Variants in HERC3 observed in about 807,000 individuals in gnomAD.
HERC3 encodes probable E3 ubiquitin-protein ligase HERC3.
HERC3 carries 58 observed loss-of-function variants against 129.9 expected under a neutral mutation model. That is an observed-to-expected ratio of 0.45 (90% CI 0.36 to 0.56). The LOEUF is 0.56. Ranked by LOEUF, HERC3 falls within the 20% of genes least tolerant of loss-of-function variation. The pLI is 0.00. For missense variants in HERC3, 835 were observed against 1,244.2 expected (o/e 0.67, Z 4.95); for synonymous variants, 430 against 451.0 (o/e 0.95, Z 0.59).
At chr4:88,577,740 A>G in the HERC3 span, among the ~76,000 whole-genome samples, 2 of 151,984 alleles carry the variant, frequency 1.3e-5, no homozygotes, top group East Asian at 3.8e-4. Flanking sequence ...TTTACTTTAT[A>G]AACTGGCACC....
chr4:88,610,635 C>G (rs891945813), intron 3 of HERC3, among the ~76,000 whole-genome samples: 10 of 152,156 alleles, frequency 6.6e-5, no homozygotes, highest in African/African-American at 2.4e-4. Flanking sequence ...GCTTGGTCTT[C>G]TATCAGGCAG....
At chr4:88,611,480 CT>C (rs1724317440) in intron 3 of HERC3, among the ~76,000 whole-genome samples, 1 of 152,130 alleles carries the variant, frequency 6.6e-6, no homozygotes. Context: ...TGGAAGGCCC[CT>C]TCCTTAAAAG....
At chr4:88,674,428 A>G (rs1033292542) in intron 16 of HERC3, among the ~76,000 whole-genome samples, 5 of 152,250 alleles carry the variant, frequency 3.3e-5, no homozygotes, top group Admixed American at 6.5e-5. Context: ...CTTCTTCCAC[A>G]GTCACTTTTA....
the HERC3 span, among the ~76,000 whole-genome samples, chr4:88,552,307 T>G: frequency 6.6e-6 from 1 of 152,012 alleles, no homozygotes; most frequent in African/African-American, 2.4e-5. Flanking sequence ...CTCGTTTTCC[T>G]CTGCTCTTTG....
intron 14 of HERC3, 93 bp downstream of exon 14, chr4:88,668,174 A>G (rs1016642518): frequency 1.1e-5 from 11 of 998,748 alleles, no homozygotes; most frequent in East Asian, 7.3e-5. Context: ...CCAAGAATCT[A>G]TTTGTTGCCA....
At chr4:88,549,333 A>G in the HERC3 span, among the ~76,000 whole-genome samples, 1 of 150,774 alleles carries the variant, frequency 6.6e-6, no homozygotes, top group Non-Finnish European at 1.5e-5. Flanking sequence ...AAAAAAAAAC[A>G]GCATTTTAGA....
intron 6 of HERC3, among the ~76,000 whole-genome samples, chr4:88,653,676 G>T (rs1276055486): frequency 1.3e-5 from 2 of 152,224 alleles, no homozygotes; most frequent in African/African-American, 4.8e-5. Context: ...CTTGGAGGTT[G>T]TGGGAGTAAA....
At chr4:88,641,562 A>G (rs918907832) in intron 3 of HERC3, among the ~76,000 whole-genome samples, 2 of 152,236 alleles carry the variant, frequency 1.3e-5, no homozygotes, top group Non-Finnish European at 1.5e-5. Context: ...CTTTAGCAAG[A>G]GAGTCAAAGA....
Position 88,704,496 on chromosome 4 carries a change from T to G in HERC3, c.2842-12T>G. ...CAAGATACATTTTTTTCTTTTTCTCTTTTTTGGACAGACTGCCATCTACAA... is the reference window on the plus strand; with the variant it reads ...CAAGATACATTTTTTTCTTTTTCTCGTTTTTGGACAGACTGCCATCTACAA... On this transcript the variant is annotated splice_polypyrimidine_tract_variant and intron_variant, in intron 24 of 25. Transcript: ENST00000402738. 6.5e-7 allele frequency: 1 copy of G among 1,543,044 alleles called. No homozygotes were observed. Among genetic ancestry groups the G allele is most frequent in the Non-Finnish European group, 8.8e-7 (1 of 1,132,554 alleles).
upstream of HERC3, among the ~76,000 whole-genome samples, chr4:88,592,080 C>T (rs558745608): frequency 2.4e-4 from 36 of 152,202 alleles, no homozygotes; most frequent in Admixed American, 6.5e-5. Context: ...CTTTTTCCCC[C>T]GTGCCCAAGG....
chr4:88,645,640 C>T (rs1728612262), intron 3 of HERC3, among the ~76,000 whole-genome samples: 1 of 152,070 alleles, frequency 6.6e-6, no homozygotes, highest in Non-Finnish European at 1.5e-5. Flanking sequence ...AAGGGGCTAA[C>T]AGGCAGGGAG....
rs1735838520 is a variant in HERC3, at chr4:88,706,969, A to G, written c.*9A>G. 1 of 1,607,648 alleles carries G rather than the reference A, an allele frequency of 6.2e-7. No homozygotes were observed. The highest frequency in any genetic ancestry group is 1.1e-5 in the South Asian group (1 of 90,942). ...GGTTTAGTTTGGCCTGAGGCTTCTC[A>G]GCTTGTCCAGTATTTCCCTTCGTTC... On this transcript the variant is annotated 3_prime_UTR_variant, in exon 26 of 26. Coordinates refer to ENST00000402738, the MANE Select transcript of HERC3 (RefSeq NM_014606.3).
intron 23 of HERC3, chr4:88,697,332 T>TTCCTCC (rs147461195): frequency 6.2e-7 from 1 of 1,611,688 alleles, no homozygotes; most frequent in South Asian, 1.1e-5. Context: ...CGTACTCCTC[T>TTCCTCC]TCCTCCTCCT....
intron 9 of HERC3, among the ~76,000 whole-genome samples, chr4:88,657,656 AG>A (rs1160306419): frequency 1.3e-4 from 20 of 152,242 alleles, no homozygotes; most frequent in Admixed American, 5.2e-4. Flanking sequence ...GGTAAATGTC[AG>A]TTATGTAAAT....
chr4:88,534,176 G>T, the HERC3 span, among the ~76,000 whole-genome samples: 1 of 152,210 alleles, frequency 6.6e-6, no homozygotes, highest in Non-Finnish European at 1.5e-5. Flanking sequence ...TCCGGATGCT[G>T]CTGCTGAATC....
At chr4:88,677,743 T>C (rs1321045525) in intron 18 of HERC3, among the ~76,000 whole-genome samples, 1 of 152,170 alleles carries the variant, frequency 6.6e-6, no homozygotes, top group African/African-American at 2.4e-5. Context: ...ATAGATCATA[T>C]GATTCATAAA....
the HERC3 span, among the ~76,000 whole-genome samples, chr4:88,550,097 A>G: frequency 2.0e-5 from 3 of 152,186 alleles, no homozygotes; most frequent in Non-Finnish European, 4.4e-5. Flanking sequence ...TACTCGACCA[A>G]TGAGGAACTT....
chr4:88,688,608 T>G (rs887038128), intron 23 of HERC3, among the ~76,000 whole-genome samples: 2 of 152,192 alleles, frequency 1.3e-5, no homozygotes, highest in African/African-American at 4.8e-5. Flanking sequence ...ATAAAGCAGG[T>G]TCAAGGGAAA....
rs370225930 is a variant in HERC3 at position 88,671,253 on chromosome 4, G to A, written c.1911+1001G>A. 1.2e-4 allele frequency among the ~76,000 whole-genome samples: 19 copies of A among 152,220 alleles called. No individual in the cohort carries two copies. The South Asian group carries it at 2.7e-3, about 22-fold the overall frequency. On this transcript the variant is annotated intron_variant, in intron 16 of 25. Coordinates refer to ENST00000402738, the MANE Select transcript of HERC3 (RefSeq NM_014606.3). ...GTTATTGTATTTTGTGAAGCCATGT[G>A]CAGCAGATTTGAGGTGAGTCCTTGC...
Sources: allele counts gnomAD v4.1 joint callset (sites outside exome capture counted in the v4.1 genomes callset), GRCh38; gene constraint gnomAD v4.1.1; transcripts MANE v1.5; gene names NCBI Gene and HGNC (gene_info 2026-07-23, HGNC 2026-07-21).